Variants in TRIM4 observed in about 807,000 individuals in gnomAD.
TRIM4 encodes E3 ubiquitin-protein ligase TRIM4.
A neutral mutation model predicts 33.7 loss-of-function variants in TRIM4; 29 were observed. The ratio of observed to expected loss-of-function variants is 0.86; its 90% CI spans 0.64 to 1.17. The LOEUF is 1.17. Among genes scored for constraint, TRIM4 ranks in the 50% most tolerant of loss-of-function variants. TRIM4 has a pLI of 0.00. For synonymous variants in TRIM4, 224 were observed against 233.0 expected (o/e 0.96, Z 0.35); for missense variants, 554 against 593.7 (o/e 0.93, Z 0.69).
chr7:99,891,335 T>C lies in TRIM4; in HGVS notation c.*828A>G, dbSNP rs1365047306. 6.6e-6 allele frequency: 1 copy of C among 152,186 alleles called. No individual in the cohort carries two copies. Among genetic ancestry groups the C allele is most frequent in the Non-Finnish European group, 1.5e-5 (1 of 68,034 alleles). The allele number at this position is 152,186 out of a possible 1,614,324, so 9.4% of individuals were successfully genotyped here. A position where few individuals can be genotyped will look rare whatever the true frequency, so the allele number is the denominator to read the frequency against. Reference sequence around the variant, plus strand: ...GGATTTGACTTTCCATCTCACTGAGTTGTGATGAGAGTCATATGCAACAGC... The same window carrying C: ...GGATTTGACTTTCCATCTCACTGAGCTGTGATGAGAGTCATATGCAACAGC... On this transcript the variant is annotated 3_prime_UTR_variant, in exon 6 of 6. Transcript: ENST00000349062.
intron 1 of TRIM4, 106 bp downstream of exon 1, chr7:99,918,903 T>A: frequency 7.4e-7 from 1 of 1,347,554 alleles, no homozygotes; most frequent in South Asian, 1.5e-5. Context: ...CTTTTCATGC[T>A]TCCAGTAGGA....
At chr7:99,899,553 T>C (rs1035113517) in intron 5 of TRIM4, among the ~76,000 whole-genome samples, 13 of 152,222 alleles carry the variant, frequency 8.5e-5, no homozygotes, top group Non-Finnish European at 1.8e-4. Flanking sequence ...AGTGATATTA[T>C]ACCACTTCAC....
chr7:99,912,088 G>T (rs1247407904), intron 1 of TRIM4, among the ~76,000 whole-genome samples: 1 of 152,098 alleles, frequency 6.6e-6, no homozygotes, highest in Non-Finnish European at 1.5e-5. Flanking sequence ...TGGTTGCCCT[G>T]GTAGGGGAAG....
rs1168599240 is a variant in TRIM4 at position 99,908,379 on chromosome 7, G to A, written c.720+203C>T. ...CTGTGTGAATCAACTTATCTCCTAT[G>A]AGCTGAGCTCAGCATACCTACATTT... is the stretch of plus-strand genomic sequence containing the variant. On this transcript the variant is annotated intron_variant, in intron 3 of 5. Transcript: ENST00000349062. The A allele has an allele frequency of 7.5e-6, 4 of 532,158 alleles. No homozygotes were observed. The East Asian group carries it at 1.1e-4, about 15-fold the overall frequency. 33.0% of individuals were successfully genotyped at this position (532,158 alleles called of 1,614,324 possible). A position where few individuals can be genotyped will look rare whatever the true frequency, so the allele number is the denominator to read the frequency against.
At chr7:99,908,889 AAT>A in intron 2 of TRIM4, 77 bp from the exon 3 acceptor site, 1 of 1,356,184 alleles carries the variant, frequency 7.4e-7, no homozygotes, top group Middle Eastern at 1.9e-4. Flanking sequence ...ATTCCCCAGT[AAT>A]CCACAGTCAA....
At chr7:99,906,439 A>G (rs1392621257) in intron 3 of TRIM4, among the ~76,000 whole-genome samples, 1 of 152,004 alleles carries the variant, frequency 6.6e-6, no homozygotes, top group African/African-American at 2.4e-5. Flanking sequence ...AGATCCTCCC[A>G]TCTCAGTTTC....
intron 1 of TRIM4, among the ~76,000 whole-genome samples, chr7:99,910,588 T>C (rs1819417005): frequency 6.6e-6 from 1 of 152,192 alleles, no homozygotes; most frequent in African/African-American, 2.4e-5. Context: ...TCTATGTGTG[T>C]GTATTTGTAT....
chr7:99,892,809 C>T, intron 5 of TRIM4, 63 bp from the exon 6 acceptor site: 2 of 1,347,012 alleles, frequency 1.5e-6, no homozygotes, highest in Non-Finnish European at 2.0e-6. Context: ...CCAGAAATGC[C>T]CATCTTTTCC....
chr7:99,892,491 A>G lies in TRIM4; in HGVS notation c.1097T>C (p.Val366Ala), dbSNP rs760943805. The change falls in exon 6 of 6, where the codon GTT (valine) becomes GCT (alanine). Residue 366 changes from valine (V) to alanine (A), a missense_variant. Physicochemically the swap from Val to Ala is moderately conservative, Grantham distance 64. This residue lies in a region of TRIM4 where 290 missense variants were observed against 335.8 expected (regional missense o/e 0.86). Coordinates refer to ENST00000349062, the MANE Select transcript of TRIM4 (RefSeq NM_033091.3). ...WEVESRDSLE[V>A]AVGVCREDVM... Reference sequence around the variant, plus strand: ...GTCCTCCCGACACACCCCAACAGCAACCTCCAGACTATCTCTACTCTCAAC... The same window carrying G: ...GTCCTCCCGACACACCCCAACAGCAGCCTCCAGACTATCTCTACTCTCAAC... The G allele has an allele frequency of 4.3e-6, 7 of 1,613,786 alleles. No homozygotes were observed. Among genetic ancestry groups the G allele is most frequent in the African/African-American group, 1.3e-5 (1 of 74,812 alleles).
rs375295210 is a variant in TRIM4 at position 99,892,368 on chromosome 7, G to A, written c.1220C>T (p.Pro407Leu). ...AAGYWPLIGFPGTPTQQEPAL... is the reference protein window; with the variant it reads ...AAGYWPLIGFLGTPTQQEPAL... ...TGGCTCTTGCTGGGTGGGAGTTCCA[G>A]GGAAGCCTATCAAGGGCCAATAGCC... The change falls in exon 6 of 6, where the codon CCT (proline) becomes CTT (leucine). Residue 407 changes from proline to leucine, a missense_variant. This residue lies in a region of TRIM4 where 290 missense variants were observed against 335.8 expected (regional missense o/e 0.86). Transcript: ENST00000349062. 6.2e-7 allele frequency: 1 copy of A among 1,614,114 alleles called. No individual in the cohort carries two copies.
At chr7:99,908,873 T>C (rs1276347568) in intron 2 of TRIM4, 61 bp from the exon 3 acceptor site, 6 of 1,474,824 alleles carry the variant, frequency 4.1e-6, no homozygotes, top group Non-Finnish European at 5.6e-6. Context: ...CTAAATTCCT[T>C]ACACAATTCC....
intron 3 of TRIM4, among the ~76,000 whole-genome samples, chr7:99,904,622 AT>A (rs1225656262): frequency 2.0e-5 from 3 of 152,218 alleles, no homozygotes; most frequent in Admixed American, 2.0e-4. Flanking sequence ...GTGAAGGGGT[AT>A]GTGGGAACTC....
At chr7:99,907,570 T>TAA (rs747277577) in intron 3 of TRIM4, among the ~76,000 whole-genome samples, 8 of 152,394 alleles carry the variant, frequency 5.2e-5, no homozygotes, top group South Asian at 2.1e-4. Flanking sequence ...GATTCTTTTA[T>TAA]GACACATATT....
chr7:99,915,442 A>G (rs1819533334), intron 1 of TRIM4, among the ~76,000 whole-genome samples: 1 of 152,226 alleles, frequency 6.6e-6, no homozygotes, highest in African/African-American at 2.4e-5. Context: ...TTATGAAGCT[A>G]TTTCTCTTTC....
At chr7:99,913,780 G>C (rs1819496564) in intron 1 of TRIM4, among the ~76,000 whole-genome samples, 1 of 152,042 alleles carries the variant, frequency 6.6e-6, no homozygotes. Flanking sequence ...TGTAATAAAA[G>C]AGCATACTTT....
Position 99,892,581 on chromosome 7 carries a change from CT to C in TRIM4, c.1006del (p.Arg336AspfsTer68), listed in dbSNP as rs1255140805. On this transcript the variant is annotated frameshift_variant, in exon 6 of 6. Coordinates refer to ENST00000349062, the MANE Select transcript of TRIM4 (RefSeq NM_033091.3). LOFTEE classifies it low-confidence loss of function (END_TRUNC). ...CAGAACACAGGGTAAGTGCTGAAAT[CT>C]CTCTACAAAAGCAGTCTTCTGAGGA... ...RNPQKTAFVE[R>X]FQHLPCVLGK... 6.2e-7 allele frequency: 1 copy of C among 1,614,090 alleles called. No homozygotes were observed. Among genetic ancestry groups the C allele is most frequent in the African/African-American group, 1.3e-5 (1 of 74,934 alleles).
In TRIM4 at chr7:99,919,084, G is replaced by GC. The variant is rs1819629264; in HGVS notation, c.317dup (p.Cys106TrpfsTer31). 9.7e-6 allele frequency: 15 copies of GC among 1,550,420 alleles called. No individual in the cohort carries two copies. In the East Asian group the frequency reaches 3.8e-4, roughly 39 times the overall value. ...GCTCCTGGGACTCCCTGCACACCAG[G>GC]CACACTGGCCGCTGGTCGTCCTCGC... is the stretch of plus-strand genomic sequence containing the variant. On this transcript the variant is annotated frameshift_variant, in exon 1 of 6. Coordinates refer to ENST00000349062, the MANE Select transcript of TRIM4 (RefSeq NM_033091.3). LOFTEE classifies it high-confidence loss of function.
chr7:99,908,465 T>C, intron 3 of TRIM4, 117 bp downstream of exon 3: 1 of 805,640 alleles, frequency 1.2e-6, no homozygotes, highest in Non-Finnish European at 2.0e-6. Context: ...AGCACAGAAC[T>C]AGCAAGAGAT....
chr7:99,892,186 G>C lies in TRIM4; in HGVS notation c.1402C>G (p.Pro468Ala), dbSNP rs758523386. 1.2e-6 allele frequency: 2 copies of C among 1,612,068 alleles called. No individual in the cohort carries two copies. The highest frequency in any genetic ancestry group is 2.2e-5 in the East Asian group (1 of 44,880). ...CCTCATTTCCTATCAGTCACTGGTG[G>C]AATGACTAAAGATGCTAATGGACTC... ...WLSPLASLVI[P>A]PVTDRK Residue 468 changes from proline (P) to alanine (A), a missense_variant, in exon 6 of 6, where the codon CCA becomes GCA. Coordinates refer to ENST00000349062, the MANE Select transcript of TRIM4 (RefSeq NM_033091.3).
Sources: allele counts gnomAD v4.1 joint callset (sites outside exome capture counted in the v4.1 genomes callset), GRCh38; gene constraint gnomAD v4.1.1; regional missense constraint gnomAD v4.1.1; transcripts MANE v1.5; gene names NCBI Gene and HGNC (gene_info 2026-07-23, HGNC 2026-07-21).